The following NUP107 variants were observed in gnomAD, a reference collection of about 807,000 sequenced individuals.
NUP107 encodes the protein nucleoporin 107, also known as nuclear pore complex protein Nup107.
In NUP107, 101 loss-of-function variants were observed where a neutral mutation model predicts 141.0. The ratio of observed to expected loss-of-function variants is 0.72; its 90% CI spans 0.61 to 0.84. The LOEUF (loss-of-function observed/expected upper bound fraction) is 0.84, where lower values mean the gene tolerates loss of function less well. Ranked by LOEUF, NUP107 falls within the 40% of genes least tolerant of loss-of-function variation. NUP107 has a pLI of 0.00. For missense variants in NUP107, 941 were observed against 1,102.7 expected (o/e 0.85, Z 2.08); for synonymous variants, 319 against 363.9 (o/e 0.88, Z 1.41).
chr12:68,709,593 A>C (rs952523780), intron 9 of NUP107, among the ~76,000 whole-genome samples: 1 of 152,110 alleles, frequency 6.6e-6, no homozygotes, highest in African/African-American at 2.4e-5. Context: ...GTTTGGAAAA[A>C]TTGTTACTTG....
Position 68,727,395 on chromosome 12 carries a change from C to T in NUP107, c.1734+6C>T, listed in dbSNP as rs1565700476. 1 of 1,468,586 alleles carries T rather than the reference C, an allele frequency of 6.8e-7. No homozygotes were observed. The allele number at this position is 1,468,586 out of a possible 1,614,324, so 91.0% of individuals were successfully genotyped here. On this transcript the variant is annotated splice_donor_region_variant and intron_variant, in intron 20 of 27. Transcript: ENST00000229179. ...TTTTAAAGACATACATACAGGTAAA[C>T]TTTGAGAACCTACAACCTGATTGTT...
Position 68,686,986 on chromosome 12 carries a change from T to G in NUP107, c.-80T>G, listed in dbSNP as rs1280817786. On this transcript the variant is annotated 5_prime_UTR_variant, in exon 1 of 28. Transcript: ENST00000229179. Reference sequence around the variant, plus strand: ...CAGACTGCTTCCGGGTCGAAGGGCTTGCTTCCGGAGAGCGGGAAGGCTAAA... The same window carrying G: ...CAGACTGCTTCCGGGTCGAAGGGCTGGCTTCCGGAGAGCGGGAAGGCTAAA... The G allele has an allele frequency of 4.4e-6, 7 of 1,581,832 alleles. No homozygotes were observed. The East Asian group carries it at 8.9e-5, about 20-fold the overall frequency.
At chr12:68,697,655 G>A (rs1248664830) in intron 6 of NUP107, among the ~76,000 whole-genome samples, 4 of 151,980 alleles carry the variant, frequency 2.6e-5, no homozygotes, top group African/African-American at 9.7e-5. Flanking sequence ...ATAAGAAAAT[G>A]AACAATCTAG....
chr12:68,702,608 G>T, intron 7 of NUP107, 128 bp from the exon 8 acceptor site: 1 of 622,230 alleles, frequency 1.6e-6, no homozygotes, highest in South Asian at 1.9e-5. Context: ...ATACATATTT[G>T]AAAAAATAAA....
chr12:68,725,624 C>A, intron 17 of NUP107, 103 bp from the exon 18 acceptor site: 2 of 644,162 alleles, frequency 3.1e-6, no homozygotes, highest in Non-Finnish European at 5.4e-6. Flanking sequence ...CTTTTTCTTT[C>A]TATATGTTCC....
Position 68,742,365 on chromosome 12 carries a change from AG to A in NUP107, c.2683del (p.Glu895LysfsTer3). The part of the protein sequence containing the change: ...ERHKLYLVFS[K>X]EELRKLLQKL... ...CTTTTTAAAAATCAGGTATTTTCTA[AG>A]GAAGAGCTAAGGAAGTTGCTGCAGA... On this transcript the variant is annotated frameshift_variant, in exon 28 of 28. Transcript: ENST00000229179. LOFTEE classifies it high-confidence loss of function. 6.2e-7 allele frequency: 1 copy of A among 1,603,468 alleles called. No individual in the cohort carries two copies. The highest frequency in any genetic ancestry group is 8.5e-7 in the Non-Finnish European group (1 of 1,171,704).
At chr12:68,720,967 T>C (rs1008765871) in intron 14 of NUP107, 151 bp from the exon 15 acceptor site, 1 of 446,966 alleles carries the variant, frequency 2.2e-6, no homozygotes, top group Non-Finnish European at 4.0e-6. Context: ...TTCTTCCTTG[T>C]TATTACCCCA....
rs747927467 is a variant in NUP107 at position 68,734,795 on chromosome 12, G to A, written c.2350G>A (p.Glu784Lys). The A allele has an allele frequency of 6.2e-7, 1 of 1,613,540 alleles. No individual in the cohort carries two copies. The highest frequency in any genetic ancestry group is 8.5e-7 in the Non-Finnish European group (1 of 1,179,770). ...TTTGATACCTCAACCAACTTTTACT[G>A]AGAAAGTGGCTCATGAACACAAAGA... ...PALIPQPTFT[E>K]KVAHEHKEKK... The change falls in exon 25 of 28, where the codon GAG (glutamate) becomes AAG (lysine). Residue 784 changes from glutamate to lysine, a missense_variant. Glu to Lys is a moderately conservative substitution (Grantham distance 56, BLOSUM62 1). Transcript: ENST00000229179.
At chr12:68,715,520 T>C (rs1042196478) in intron 11 of NUP107, 107 bp from the exon 12 acceptor site, 2 of 686,688 alleles carry the variant, frequency 2.9e-6, no homozygotes. Flanking sequence ...AAAATGAATT[T>C]ATTTGTGTAT....
chr12:68,709,994 T>C lies in NUP107; in HGVS notation c.802-11T>C. 2 of 1,528,908 alleles carry C rather than the reference T, an allele frequency of 1.3e-6. No individual in the cohort carries two copies. Among genetic ancestry groups the C allele is most frequent in the Non-Finnish European group, 1.8e-6 (2 of 1,107,938 alleles). 94.7% of individuals were successfully genotyped at this position (1,528,908 alleles called of 1,614,324 possible). A position where few individuals can be genotyped will look rare whatever the true frequency, so the allele number is the denominator to read the frequency against. On this transcript the variant is annotated splice_polypyrimidine_tract_variant and intron_variant, in intron 9 of 27. Transcript: ENST00000229179. ...AGTTAACACTAATTTATTTTTTTCT[T>C]TCTTTCTTAGCTGGTGGTAGATTGG...
In NUP107 at chr12:68,742,913, T is replaced by C. The variant is rs1476819970; in HGVS notation, c.*451T>C. 6.6e-6 allele frequency: 1 copy of C among 152,250 alleles called. No homozygotes were observed. Among genetic ancestry groups the C allele is most frequent in the East Asian group, 1.9e-4 (1 of 5,216 alleles). 9.4% of individuals were successfully genotyped at this position (152,250 alleles called of 1,614,324 possible). A position where few individuals can be genotyped will look rare whatever the true frequency, so the allele number is the denominator to read the frequency against. ...AGAATTTTTCTAACATAACATGCTA[T>C]TATTATTTTAGTTATTTTGAAGACA... On this transcript the variant is annotated 3_prime_UTR_variant, in exon 28 of 28. Coordinates refer to ENST00000229179, the MANE Select transcript of NUP107 (RefSeq NM_020401.4).
rs561366942 is a variant in NUP107, at chr12:68,737,001, C to G, written c.2502+1657C>G. 1.5e-3 allele frequency among the ~76,000 whole-genome samples: 223 copies of G among 152,256 alleles called. 2 individuals are homozygous for G. Among genetic ancestry groups the G allele is most frequent in the African/African-American group, 5.2e-3 (215 of 41,560 alleles). ...TACAGGCGTGAGCCACTGCGCCCAG[C>G]CAAGTCTCCACTTTTTATCCTAACG... On this transcript the variant is annotated intron_variant, in intron 26 of 27. Coordinates refer to ENST00000229179, the MANE Select transcript of NUP107 (RefSeq NM_020401.4).
intron 12 of NUP107, among the ~76,000 whole-genome samples, chr12:68,718,261 T>C (rs1877195567): frequency 6.6e-6 from 1 of 152,072 alleles, no homozygotes; most frequent in African/African-American, 2.4e-5. Context: ...AGAGTCCTGG[T>C]GGTGAATCTT....
At chr12:68,722,364 C>T (rs1203418020) in intron 17 of NUP107, among the ~76,000 whole-genome samples, 5 of 152,028 alleles carry the variant, frequency 3.3e-5, no homozygotes, top group South Asian at 2.1e-4. Context: ...AGTATATGCA[C>T]GTAAGCTATA....
At chr12:68,696,026 A>G (rs1018903224) in intron 5 of NUP107, among the ~76,000 whole-genome samples, 7 of 151,904 alleles carry the variant, frequency 4.6e-5, no homozygotes, top group Admixed American at 3.3e-4. Flanking sequence ...AAAAAAAAGA[A>G]AAATGATTAA....
At chr12:68,697,805 G>A (rs935159236) in intron 6 of NUP107, among the ~76,000 whole-genome samples, 7 of 151,932 alleles carry the variant, frequency 4.6e-5, no homozygotes, top group Non-Finnish European at 8.8e-5. Context: ...CGAGGTGGGT[G>A]GATCACTGCA....
chr12:68,692,077 C>CA lies in NUP107; in HGVS notation c.413_414insA (p.Val139CysfsTer5). 2 of 1,609,640 alleles carry CA rather than the reference C, an allele frequency of 1.2e-6. No individual in the cohort carries two copies. The highest frequency in any genetic ancestry group is 3.4e-5 in the Admixed American group (2 of 58,944). Reference sequence around the variant, plus strand: ...ATAACAGAAGATGTAACTATCAGTGCTGTTATGTTACGTGAGGATGATCCT... The same window carrying CA: ...ATAACAGAAGATGTAACTATCAGTGCATGTTATGTTACGTGAGGATGATCCT... On this transcript the variant is annotated frameshift_variant, in exon 5 of 28. Transcript: ENST00000229179. LOFTEE classifies it high-confidence loss of function.
intron 12 of NUP107, among the ~76,000 whole-genome samples, chr12:68,717,842 T>A (rs1161182141): frequency 2.6e-5 from 4 of 152,248 alleles, no homozygotes; most frequent in African/African-American, 9.6e-5. Flanking sequence ...CAAAATAGTT[T>A]TCCATGTTAA....
intron 8 of NUP107, chr12:68,706,935 G>A (rs1013935524): frequency 1.5e-6 from 1 of 688,714 alleles, no homozygotes; most frequent in Non-Finnish European, 2.6e-6. Flanking sequence ...CTCAGCTACA[G>A]CCTGGACTCC....
Sources: gnomAD v4.1 joint callset for allele counts (sites outside exome capture counted in the v4.1 genomes callset) on GRCh38, gnomAD v4.1.1 for gene constraint, MANE v1.5 for transcripts, NCBI Gene and HGNC (gene_info 2026-07-23, HGNC 2026-07-21) for gene names.